Variants in VDAC1 observed in about 807,000 individuals in gnomAD.
VDAC1 encodes voltage dependent anion channel 1.
Under a neutral mutation model 34.7 loss-of-function variants are expected in VDAC1, and 10 were observed. That is an observed-to-expected ratio of 0.29 (90% CI 0.18 to 0.49). The LOEUF (loss-of-function observed/expected upper bound fraction) is 0.49, where lower values mean the gene tolerates loss of function less well. VDAC1 is among the 20% of genes least tolerant of loss of function. VDAC1 has a pLI of 0.99. For missense variants in VDAC1, 230 were observed against 347.9 expected (o/e 0.66, Z 2.69); for synonymous variants, 130 against 136.0 (o/e 0.96, Z 0.30).
the VDAC1 span, among the ~76,000 whole-genome samples, chr5:134,109,643 G>A: frequency 6.6e-6 from 1 of 152,098 alleles, no homozygotes; most frequent in Non-Finnish European, 1.5e-5. Flanking sequence ...GGTGGCAGGT[G>A]CCTGTAATCC....
At chr5:133,995,383 C>T (rs1025358042) in intron 1 of VDAC1, among the ~76,000 whole-genome samples, 1 of 152,224 alleles carries the variant, frequency 6.6e-6, no homozygotes, top group African/African-American at 2.4e-5. Flanking sequence ...GCTTTCTCAT[C>T]TGTGTCTTGC....
chr5:134,056,715 C>T, the VDAC1 span, among the ~76,000 whole-genome samples: 18 of 152,078 alleles, frequency 1.2e-4, no homozygotes, highest in Admixed American at 8.5e-4. Context: ...GACGGAGTTT[C>T]GCTCTTTTTG....
the VDAC1 span, among the ~76,000 whole-genome samples, chr5:134,045,472 A>G: frequency 6.6e-6 from 1 of 152,168 alleles, no homozygotes. Context: ...TGCCTTTTCT[A>G]GCTTCCAGGA....
At chr5:134,093,941 T>A in the VDAC1 span, among the ~76,000 whole-genome samples, 12 of 152,192 alleles carry the variant, frequency 7.9e-5, no homozygotes, top group African/African-American at 2.9e-4. Context: ...CCTTTGAATG[T>A]CCCCCAGCTG....
the VDAC1 span, among the ~76,000 whole-genome samples, chr5:134,069,375 C>T: frequency 6.6e-6 from 1 of 152,064 alleles, no homozygotes; most frequent in African/African-American, 2.4e-5. Flanking sequence ...CCTAATAATT[C>T]AGGAGTGTTC....
At chr5:134,010,232 C>G in the VDAC1 span, among the ~76,000 whole-genome samples, 2 of 152,086 alleles carry the variant, frequency 1.3e-5, no homozygotes, top group African/African-American at 4.8e-5. Flanking sequence ...CAGCCCAGGA[C>G]GGAACACAAC....
the VDAC1 span, among the ~76,000 whole-genome samples, chr5:134,096,574 C>T: frequency 6.6e-6 from 1 of 151,234 alleles, no homozygotes. Context: ...CCTTTCTATG[C>T]TTATCTATAT....
chr5:133,991,451 A>G (rs1243932661), intron 3 of VDAC1, among the ~76,000 whole-genome samples: 1 of 152,250 alleles, frequency 6.6e-6, no homozygotes, highest in African/African-American at 2.4e-5. Flanking sequence ...CAGTACAGAG[A>G]AAAAGCACTG....
chr5:134,039,621 G>T, the VDAC1 span, among the ~76,000 whole-genome samples: 1 of 152,124 alleles, frequency 6.6e-6, no homozygotes, highest in African/African-American at 2.4e-5. Flanking sequence ...GAGCCACCGC[G>T]CCCGGCAGAC....
chr5:134,076,060 A>G, the VDAC1 span, among the ~76,000 whole-genome samples: 1 of 149,738 alleles, frequency 6.7e-6, no homozygotes, highest in African/African-American at 2.5e-5. Flanking sequence ...GCTAACTGCA[A>G]CCTCTGCCTC....
At chr5:134,001,603 G>A (rs146456034) in intron 1 of VDAC1, among the ~76,000 whole-genome samples, 14 of 151,596 alleles carry the variant, frequency 9.2e-5, no homozygotes, top group South Asian at 2.1e-4. Flanking sequence ...CTGTAATCCC[G>A]GCTACTCGAG....
chr5:134,073,635 T>C, the VDAC1 span, among the ~76,000 whole-genome samples: 1 of 152,124 alleles, frequency 6.6e-6, no homozygotes, highest in Non-Finnish European at 1.5e-5. Context: ...CTGGAAACAA[T>C]GTGAATGTTC....
the VDAC1 span, among the ~76,000 whole-genome samples, chr5:134,095,484 GTAAA>G: frequency 0.011 from 1,604 of 142,646 alleles, 13 homozygotes; most frequent in African/African-American, 0.025. Context: ...CTCTGTCTCA[GTAAA>G]TAAATAAATA....
chr5:134,098,260 T>A, the VDAC1 span, among the ~76,000 whole-genome samples: 1 of 151,690 alleles, frequency 6.6e-6, no homozygotes, highest in Non-Finnish European at 1.5e-5. Flanking sequence ...AGTGGCACGA[T>A]GTCAGCTCAT....
chr5:134,106,862 C>T, the VDAC1 span, among the ~76,000 whole-genome samples: 4 of 152,210 alleles, frequency 2.6e-5, no homozygotes, highest in Non-Finnish European at 5.9e-5. Context: ...CCTATTTCTT[C>T]CCATCTTTCT....
chr5:133,972,812 C>T lies in VDAC1; in HGVS notation c.811G>A (p.Gly271Ser). The T allele has an allele frequency of 1.2e-6, 2 of 1,613,628 alleles. No homozygotes were observed. Among genetic ancestry groups the T allele is most frequent in the Non-Finnish European group, 1.7e-6 (2 of 1,179,618 alleles). ...AGTCCTAGACCAAGCTTGTGGCCAC[C>T]AGCATTGACGTTCTTGCCATCCAGA... ...ALLDGKNVNAGGHKLGLGLEF... is the reference protein window; with the variant it reads ...ALLDGKNVNASGHKLGLGLEF... Residue 271 changes from glycine to serine, a missense_variant, in exon 9 of 9, where the codon GGT becomes AGT. By Grantham distance (56) the Gly-to-Ser change is moderately conservative. Transcript: ENST00000265333.
At chr5:134,025,616 T>C in the VDAC1 span, among the ~76,000 whole-genome samples, 1 of 151,824 alleles carries the variant, frequency 6.6e-6, no homozygotes, top group Non-Finnish European at 1.5e-5. Context: ...TTTATTTGAG[T>C]TCTCACTCTG....
At chr5:134,051,422 G>C in the VDAC1 span, among the ~76,000 whole-genome samples, 1 of 152,214 alleles carries the variant, frequency 6.6e-6, no homozygotes, top group Non-Finnish European at 1.5e-5. Context: ...GACTGCTACA[G>C]AGTCACTTGC....
chr5:134,105,423 C>T, the VDAC1 span, among the ~76,000 whole-genome samples: 1 of 152,204 alleles, frequency 6.6e-6, no homozygotes, highest in Non-Finnish European at 1.5e-5. Flanking sequence ...CTCTCTGAGC[C>T]GCAGTTTCCA....
Sources: allele counts gnomAD v4.1 joint callset (sites outside exome capture counted in the v4.1 genomes callset), GRCh38; gene constraint gnomAD v4.1.1; transcripts MANE v1.5; gene names NCBI Gene and HGNC (gene_info 2026-07-23, HGNC 2026-07-21).